FLOT2: variants seen among roughly 807,000 people sequenced by gnomAD.
FLOT2 encodes the protein flotillin-2.
A neutral mutation model predicts 54.9 loss-of-function variants in FLOT2; 35 were observed. That is an observed-to-expected ratio of 0.64 (90% CI 0.49 to 0.84). FLOT2 has a LOEUF of 0.84. Among genes scored for constraint, FLOT2 ranks in the 40% least tolerant of loss-of-function variants. The pLI is 0.00. For synonymous variants in FLOT2, 207 were observed against 228.9 expected (o/e 0.90, Z 0.86); for missense variants, 464 against 572.1 (o/e 0.81, Z 1.93).
chr17:28,897,384 G>T lies in FLOT2; in HGVS notation c.49+142C>A. 1.4e-6 allele frequency: 1 copy of T among 718,068 alleles called. No individual in the cohort carries two copies. Among genetic ancestry groups the T allele is most frequent in the South Asian group, 2.0e-5 (1 of 49,560 alleles). 44.5% of individuals were successfully genotyped at this position (718,068 alleles called of 1,614,324 possible). A position where few individuals can be genotyped will look rare whatever the true frequency, so the allele number is the denominator to read the frequency against. On this transcript the variant is annotated intron_variant, in intron 1 of 10. Coordinates refer to ENST00000394908, the MANE Select transcript of FLOT2 (RefSeq NM_004475.3). This position sits in a 1 kb window ranked among gnomAD's most constrained non-coding sequence, Gnocchi z 4.4. Reference sequence around the variant, plus strand: ...AAGCGTGAGCACGAGATCTCTCTTGGAAGGGGCCTCAGGTGCGGCCCGGGG... The same window carrying T: ...AAGCGTGAGCACGAGATCTCTCTTGTAAGGGGCCTCAGGTGCGGCCCGGGG...
Position 28,881,139 on chromosome 17 carries a change from C to T in FLOT2, c.1098+53G>A, listed in dbSNP as rs1049307730. 15 of 1,538,486 alleles carry T rather than the reference C, an allele frequency of 9.7e-6. No homozygotes were observed. The South Asian group carries it at 1.7e-4, about 18-fold the overall frequency. ...CAGAGAAGTTCTGGCACTTGCCCAG[C>T]TTGTCAAGCAAGGACACTTGAACCC... On this transcript the variant is annotated intron_variant, in intron 9 of 10. Coordinates refer to ENST00000394908, the MANE Select transcript of FLOT2 (RefSeq NM_004475.3).
At chr17:28,890,852 ATCATTTCT>A (rs1202489552) in intron 1 of FLOT2, among the ~76,000 whole-genome samples, 1 of 131,498 alleles carries the variant, frequency 7.6e-6, no homozygotes, top group Admixed American at 8.7e-5. Flanking sequence ...AGAGAGTGTT[ATCATTTCT>A]TCTTTTTTTT....
At position 28,883,157 on chromosome 17, in the gene FLOT2, G is replaced by A. The variant is rs570140389; in HGVS notation, c.297C>T (p.Ile99=). 6.2e-7 allele frequency: 1 copy of A among 1,614,126 alleles called. No individual in the cohort carries two copies. The highest frequency in any genetic ancestry group is 1.3e-5 in the African/African-American group (1 of 75,054). The part of the protein sequence containing the change: ...EQFLGKNVQD[I]KNVVLQTLEG... ...CCAGGGTCTGCAGGACGACGTTTTT[G>A]ATGTCCTGCACATTCTTACCCAGAA... is the stretch of plus-strand genomic sequence containing the variant. Residue 99 remains isoleucine, a synonymous_variant, in exon 4 of 11, where the codon ATC becomes ATT. Coordinates refer to ENST00000394908, the MANE Select transcript of FLOT2 (RefSeq NM_004475.3). This position sits in a 1 kb window ranked among gnomAD's most constrained non-coding sequence, Gnocchi z 5.0.
Position 28,884,281 on chromosome 17 carries a change from A to G in FLOT2, c.166T>C (p.Cys56Arg), listed in dbSNP as rs773832079. 6.8e-6 allele frequency: 11 copies of G among 1,613,176 alleles called. No homozygotes were observed. The highest frequency in any genetic ancestry group is 8.5e-6 in the Non-Finnish European group (10 of 1,179,576). Reference sequence around the variant, plus strand: ...CCCTCGGCCGTCTCTACGTCCTCGCAGCGGGGCTGCAACGTCATAATCTCT... The same window carrying G: ...CCCTCGGCCGTCTCTACGTCCTCGCGGCGGGGCTGCAACGTCATAATCTCT... ...SLEIMTLQPR[C>R]EDVETAEGVA... The change falls in exon 3 of 11, where the codon TGC (cysteine) becomes CGC (arginine). Residue 56 changes from cysteine to arginine, a missense_variant. Transcript: ENST00000394908. The surrounding 1 kb of genome is among the most constrained non-coding windows in gnomAD (Gnocchi z 5.1).
rs1213195858 is a variant in FLOT2 at position 28,883,755 on chromosome 17, G to A, written c.222+470C>T. ...TCACTGCCCTGTGAAGCCAAGAGGT[G>A]GATCGGGGCAGGAAGCCCTCACCTA... is the stretch of plus-strand genomic sequence containing the variant. On this transcript the variant is annotated intron_variant, in intron 3 of 10. Transcript: ENST00000394908. The surrounding 1 kb of genome is among the most constrained non-coding windows in gnomAD (Gnocchi z 5.0). Among the ~76,000 whole-genome samples, 1 of 152,136 alleles carries A rather than the reference G, an allele frequency of 6.6e-6. No homozygotes were observed. The highest frequency in any genetic ancestry group is 1.9e-4 in the East Asian group (1 of 5,180).
chr17:28,881,528 T>C (rs931648106), intron 8 of FLOT2, among the ~76,000 whole-genome samples, 153 bp from the exon 9 acceptor site: 2 of 152,218 alleles, frequency 1.3e-5, no homozygotes, highest in Non-Finnish European at 2.9e-5. Context: ...CTTCCGGCTC[T>C]GGCCAGGGAA....
In FLOT2 at chr17:28,884,238, G is replaced by A. The variant is rs749079749; in HGVS notation, c.209C>T (p.Thr70Met). ...GAGTTACTATACCTGGGCGACACCC[G>A]TCACAGTTAAAGCTACCCCCTCGGC... ...ETAEGVALTV[T>M]GVAQVKIMTE... Residue 70 changes from threonine (T) to methionine (M), a missense_variant, in exon 3 of 11, where the codon ACG (threonine) becomes ATG (methionine). Physicochemically the swap from Thr to Met is moderately conservative, Grantham distance 81. Transcript: ENST00000394908. This position sits in a 1 kb window ranked among gnomAD's most constrained non-coding sequence, Gnocchi z 5.1. 5.6e-6 allele frequency: 9 copies of A among 1,612,482 alleles called. No individual in the cohort carries two copies. The highest frequency in any genetic ancestry group is 2.2e-5 in the South Asian group (2 of 91,074).
At position 28,884,422 on chromosome 17, in the gene FLOT2, G is replaced by A. The variant is rs929676380; in HGVS notation, c.132-107C>T. 1.9e-5 allele frequency: 13 copies of A among 679,902 alleles called. No individual in the cohort carries two copies. Among genetic ancestry groups the A allele is most frequent in the Non-Finnish European group, 2.6e-5 (10 of 390,216 alleles). 42.1% of individuals were successfully genotyped at this position (679,902 alleles called of 1,614,324 possible). The stretch of plus-strand genomic sequence containing the variant: ...CTCCGGCTGGGTCCTGGTGAGGAAG[G>A]TGGAGGGAGGACTCTCCACGGGGCT... On this transcript the variant is annotated intron_variant, in intron 2 of 10. Transcript: ENST00000394908. This position sits in a 1 kb window ranked among gnomAD's most constrained non-coding sequence, Gnocchi z 5.1.
chr17:28,886,815 C>T (rs1004772728), intron 2 of FLOT2, among the ~76,000 whole-genome samples: 12 of 152,104 alleles, frequency 7.9e-5, no homozygotes, highest in East Asian at 1.9e-4. Flanking sequence ...GAGCAGCAGT[C>T]GATGTGCAGC....
chr17:28,897,055 CG>C lies in FLOT2; in HGVS notation c.49+470del, dbSNP rs2039753540. On this transcript the variant is annotated intron_variant, in intron 1 of 10. Coordinates refer to ENST00000394908, the MANE Select transcript of FLOT2 (RefSeq NM_004475.3). This position sits in a 1 kb window ranked among gnomAD's most constrained non-coding sequence, Gnocchi z 4.4. ...CAAGCCCCAGCCTGCTTGGAATTAA[CG>C]GGTCTGACTGTGCCGAGAAACGACC... Among the ~76,000 whole-genome samples, 1 of 152,238 alleles carries C rather than the reference CG, an allele frequency of 6.6e-6. No individual in the cohort carries two copies. Among genetic ancestry groups the C allele is most frequent in the South Asian group, 2.1e-4 (1 of 4,836 alleles).
At chr17:28,894,043 G>C (rs1292948714) in intron 1 of FLOT2, among the ~76,000 whole-genome samples, 1 of 152,198 alleles carries the variant, frequency 6.6e-6, no homozygotes, top group African/African-American at 2.4e-5. Flanking sequence ...GAGAAGTTTT[G>C]TCTGCAGCTC....
chr17:28,884,204 A>G lies in FLOT2; in HGVS notation c.222+21T>C. 1.9e-6 allele frequency: 3 copies of G among 1,568,052 alleles called. No homozygotes were observed. The highest frequency in any genetic ancestry group is 2.6e-6 in the Non-Finnish European group (3 of 1,138,340). On this transcript the variant is annotated intron_variant, in intron 3 of 10. Transcript: ENST00000394908. The surrounding 1 kb of genome is among the most constrained non-coding windows in gnomAD (Gnocchi z 5.1). ...ACCAGGCAGCTCAACGGACATGCGC[A>G]GGGCTGCTGAGTTACTATACCTGGG...
At chr17:28,892,529 C>T (rs2039670454) in intron 1 of FLOT2, 1 of 151,472 alleles carries the variant, frequency 6.6e-6, no homozygotes, top group Admixed American at 6.6e-5. Flanking sequence ...TTTAATAGAG[C>T]CGGGTTTCAC....
At position 28,881,331 on chromosome 17, in the gene FLOT2, C is replaced by A; in HGVS notation, c.959G>T (p.Arg320Leu). The A allele has an allele frequency of 6.2e-7, 1 of 1,613,588 alleles. No homozygotes were observed. The highest frequency in any genetic ancestry group is 1.1e-5 in the South Asian group (1 of 91,082). Residue 320 changes from arginine (R) to leucine (L), a missense_variant, in exon 9 of 11, where the codon CGC becomes CTC. Physicochemically the swap from Arg to Leu is moderately radical, Grantham distance 102. Transcript: ENST00000394908. ...TGCCGCTTCCGCCTCCCCGATTTTGCGGATCTTCTCAGCCTCTGCCTGTGC... is the reference window on the plus strand; with the variant it reads ...TGCCGCTTCCGCCTCCCCGATTTTGAGGATCTTCTCAGCCTCTGCCTGTGC... ...LLAQAEAEKI[R>L]KIGEAEAAVI...
At chr17:28,881,154 C>G (rs747833594) in intron 9 of FLOT2, 38 bp downstream of exon 9, 2 of 1,583,334 alleles carry the variant, frequency 1.3e-6, no homozygotes, top group Non-Finnish European at 1.7e-6. Flanking sequence ...CAAGCAAGGA[C>G]ACTTGAACCC....
chr17:28,885,867 CCT>C (rs769706769), intron 2 of FLOT2: 11 of 1,546,890 alleles, frequency 7.1e-6, no homozygotes, highest in South Asian at 4.8e-5. Context: ...CTGTGCAACC[CCT>C]GTTACGAATA....
At position 28,897,624 on chromosome 17, in the gene FLOT2, G is replaced by C; in HGVS notation, c.-50C>G. ...CGGGACCGCACAGACCCGGACAACA[G>C]CAGCGGGTCTGCAGCGCCGGCCGCG... is the stretch of plus-strand genomic sequence containing the variant. On this transcript the variant is annotated 5_prime_UTR_variant, in exon 1 of 11. Coordinates refer to ENST00000394908, the MANE Select transcript of FLOT2 (RefSeq NM_004475.3). The surrounding 1 kb of genome is among the most constrained non-coding windows in gnomAD (Gnocchi z 4.4). The C allele has an allele frequency of 6.8e-7, 1 of 1,477,856 alleles. No homozygotes were observed. Among genetic ancestry groups the C allele is most frequent in the Non-Finnish European group, 9.0e-7 (1 of 1,107,368 alleles). 91.5% of individuals were successfully genotyped at this position (1,477,856 alleles called of 1,614,324 possible).
At chr17:28,881,135 C>G in intron 9 of FLOT2, 57 bp downstream of exon 9, 1 of 1,525,332 alleles carries the variant, frequency 6.6e-7, no homozygotes. Flanking sequence ...TGGCACTTGC[C>G]CAGCTTGTCA....
chr17:28,881,404 G>A (rs772358500), intron 8 of FLOT2, 29 bp from the exon 9 acceptor site: 1 of 1,602,836 alleles, frequency 6.2e-7, no homozygotes, highest in Non-Finnish European at 8.5e-7. Flanking sequence ...GTTAGGATCA[G>A]TGGGACGTAC....
Sources: allele counts gnomAD v4.1 joint callset (sites outside exome capture counted in the v4.1 genomes callset), GRCh38; gene constraint gnomAD v4.1.1; non-coding constraint Gnocchi (gnomAD v3.1); transcripts MANE v1.5; gene names NCBI Gene and HGNC (gene_info 2026-07-23, HGNC 2026-07-21).